SEPTIN9: variants seen among roughly 807,000 people sequenced by gnomAD.
SEPTIN9 encodes the protein septin-9.
SEPTIN9 carries 13 observed loss-of-function variants against 56.6 expected under a neutral mutation model. That is an observed-to-expected ratio of 0.23 (90% CI 0.15 to 0.37). The LOEUF (loss-of-function observed/expected upper bound fraction) is 0.37. Ranked by LOEUF, SEPTIN9 falls within the 10% of genes least tolerant of loss-of-function variation. The pLI, the probability that SEPTIN9 is intolerant of heterozygous loss-of-function variation, is 1.00. For synonymous variants in SEPTIN9, 332 were observed against 334.1 expected (o/e 0.99, Z 0.07); for missense variants, 650 against 823.1 (o/e 0.79, Z 2.57).
intron 3 of SEPTIN9, among the ~76,000 whole-genome samples, chr17:77,479,791 C>T (rs1289063197): frequency 1.7e-5 from 2 of 119,928 alleles, no homozygotes; most frequent in East Asian, 2.7e-4. Flanking sequence ...GAGGTGGGGG[C>T]GGGTAGGGGC....
chr17:77,333,058 T>C (rs2033423354), intron 2 of SEPTIN9, among the ~76,000 whole-genome samples: 1 of 152,224 alleles, frequency 6.6e-6, no homozygotes, highest in Non-Finnish European at 1.5e-5. Context: ...AAAGTGGCCC[T>C]TCCATTTCAC....
At chr17:77,322,490 C>T (rs1350891574) in intron 2 of SEPTIN9, 7 of 152,278 alleles carry the variant, frequency 4.6e-5, no homozygotes, top group South Asian at 2.1e-4. Context: ...CGAATGAACA[C>T]GACAGTCCCG....
intron 2 of SEPTIN9, among the ~76,000 whole-genome samples, chr17:77,321,397 T>A (rs2032917294): frequency 6.7e-6 from 1 of 149,940 alleles, no homozygotes; most frequent in African/African-American, 2.4e-5. Context: ...CAGGGCCACA[T>A]CTTTTTTTTT....
intron 3 of SEPTIN9, among the ~76,000 whole-genome samples, chr17:77,443,667 C>T (rs1245901718): frequency 6.6e-6 from 1 of 151,990 alleles, no homozygotes; most frequent in Non-Finnish European, 1.5e-5. Context: ...CGTGGCGGCG[C>T]ATGCTTGTAA....
At chr17:77,384,194 C>T (rs1346066946) in intron 2 of SEPTIN9, among the ~76,000 whole-genome samples, 1 of 152,150 alleles carries the variant, frequency 6.6e-6, no homozygotes. Flanking sequence ...TGCCTGTGTT[C>T]CGTGGCAGGG....
At chr17:77,351,176 T>C (rs529454066) in intron 2 of SEPTIN9, among the ~76,000 whole-genome samples, 4 of 151,264 alleles carry the variant, frequency 2.6e-5, no homozygotes, top group Non-Finnish European at 4.4e-5. Context: ...TCTCCACCCT[T>C]CCCAAGGCTG....
At chr17:77,337,542 C>T (rs1344620699) in intron 2 of SEPTIN9, among the ~76,000 whole-genome samples, 1 of 152,030 alleles carries the variant, frequency 6.6e-6, no homozygotes, top group East Asian at 1.9e-4. Context: ...GTTCCCTTCT[C>T]TTTGTTTTCT....
rs747841892 is a variant in SEPTIN9 at position 77,482,478 on chromosome 17, A to G, written c.913+143A>G. 4.3e-5 allele frequency: 37 copies of G among 860,424 alleles called. No homozygotes were observed. The South Asian group carries it at 5.1e-4, about 12-fold the overall frequency. 53.3% of individuals were successfully genotyped at this position (860,424 alleles called of 1,614,324 possible). A position where few individuals can be genotyped will look rare whatever the true frequency, so the allele number is the denominator to read the frequency against. On this transcript the variant is annotated intron_variant, in intron 4 of 11. Coordinates refer to ENST00000427177, the MANE Select transcript of SEPTIN9 (RefSeq NM_001113491.2). ...ACCTCAAGGACGGATTGCCAGTGACATTGCGTGTGCATGCATGCGCCTGGG... is the reference window on the plus strand; with the variant it reads ...ACCTCAAGGACGGATTGCCAGTGACGTTGCGTGTGCATGCATGCGCCTGGG...
chr17:77,341,601 C>G (rs2033726199), intron 2 of SEPTIN9, among the ~76,000 whole-genome samples: 1 of 151,716 alleles, frequency 6.6e-6, no homozygotes, highest in South Asian at 2.1e-4. Flanking sequence ...ATGGTGAAAC[C>G]TCGTCTCTAC....
rs57784477 is a variant in SEPTIN9 at position 77,380,687 on chromosome 17, C to T, written c.77-21372C>T. Among the ~76,000 whole-genome samples the T allele has an allele frequency of 0.012, 1,894 of 152,312 alleles. 106 individuals carry two copies. In the East Asian group the frequency reaches 0.17, roughly 14 times the overall value. On this transcript the variant is annotated intron_variant, in intron 2 of 11. Transcript: ENST00000427177. ...CTTCCCATCCACCCGCTTCCCCTCC[C>T]CTGCCCCAAGCTCTGGTCACAGCCT...
chr17:77,402,431 C>T lies in SEPTIN9; in HGVS notation c.449C>T (p.Thr150Met), dbSNP rs372535058. 47 of 1,610,572 alleles carry T rather than the reference C, an allele frequency of 2.9e-5. No individual in the cohort carries two copies. Among genetic ancestry groups the T allele is most frequent in the East Asian group, 6.7e-5 (3 of 44,800 alleles). ...HKTPEPAPRRTEITIVKPQES... is the reference protein window; with the variant it reads ...HKTPEPAPRRMEITIVKPQES... ...ACGCCAGAACCGGCCCCTCGGAGGACGGAGATCACCATCGTCAAACCCCAG... is the reference window on the plus strand; with the variant it reads ...ACGCCAGAACCGGCCCCTCGGAGGATGGAGATCACCATCGTCAAACCCCAG... Residue 150 changes from threonine (T) to methionine (M), a missense_variant, in exon 3 of 12, where the codon ACG (threonine) becomes ATG (methionine). This residue lies in a region of SEPTIN9 where 317 missense variants were observed against 329.1 expected (regional missense o/e 0.96). Transcript: ENST00000427177. The surrounding 1 kb of genome is among the most constrained non-coding windows in gnomAD (Gnocchi z 6.6).
chr17:77,481,898 G>A, intron 3 of SEPTIN9: 1 of 571,770 alleles, frequency 1.7e-6, no homozygotes, highest in Non-Finnish European at 3.1e-6. Context: ...GCCTGGCCTT[G>A]GGAGTCTGGG....
At chr17:77,361,497 T>C (rs2143852903) in intron 2 of SEPTIN9, among the ~76,000 whole-genome samples, 1 of 152,206 alleles carries the variant, frequency 6.6e-6, no homozygotes, top group Admixed American at 6.5e-5. Context: ...GGGTGGGCAT[T>C]AGGAAAGTGA....
Position 77,356,905 on chromosome 17 carries a change from C to A in SEPTIN9, c.77-45154C>A, listed in dbSNP as rs570471481. On this transcript the variant is annotated intron_variant, in intron 2 of 11. Coordinates refer to ENST00000427177, the MANE Select transcript of SEPTIN9 (RefSeq NM_001113491.2). ...GGACTGTTGGTGGGAGAGGGGAAGG[C>A]GCCGTGGTAGGGGAAGCTTTGGAAA... Among the ~76,000 whole-genome samples the A allele has an allele frequency of 1.5e-4, 22 of 149,812 alleles. No homozygotes were observed. The East Asian group carries it at 4.5e-3, about 31-fold the overall frequency.
At chr17:77,473,423 G>A (rs950855302) in intron 3 of SEPTIN9, among the ~76,000 whole-genome samples, 13 of 151,932 alleles carry the variant, frequency 8.6e-5, no homozygotes, top group African/African-American at 3.1e-4. Flanking sequence ...TATAGGGATG[G>A]GGTCTCGCTA....
rs1372974636 is a variant in SEPTIN9 at position 77,386,017 on chromosome 17, C to T, written c.77-16042C>T. Among the ~76,000 whole-genome samples the T allele has an allele frequency of 2.0e-5, 3 of 152,172 alleles. No homozygotes were observed. In the East Asian group the frequency reaches 5.8e-4, roughly 29 times the overall value. On this transcript the variant is annotated intron_variant, in intron 2 of 11. Coordinates refer to ENST00000427177, the MANE Select transcript of SEPTIN9 (RefSeq NM_001113491.2). Reference sequence around the variant, plus strand: ...TTTCGGTCCAGCCCTTCCTGTTCCTCATCAGGAAACTGAGACCAGAGAGGT... The same window carrying T: ...TTTCGGTCCAGCCCTTCCTGTTCCTTATCAGGAAACTGAGACCAGAGAGGT...
At chr17:77,466,332 C>T in intron 3 of SEPTIN9, 2 of 958,326 alleles carry the variant, frequency 2.1e-6, no homozygotes, top group Non-Finnish European at 2.5e-6. Context: ...CAGGCCCGGG[C>T]CAGGCCCCTT....
intron 1 of SEPTIN9, among the ~76,000 whole-genome samples, chr17:77,301,327 G>A (rs1352424180): frequency 6.6e-6 from 1 of 152,044 alleles, no homozygotes; most frequent in African/African-American, 2.4e-5. Context: ...AAACTGCTGA[G>A]GTTACAGGTG....
Position 77,498,672 on chromosome 17 carries a change from C to CCCCCCCCGGGG in SEPTIN9, c.*14_*15insCCCCCCCGGGG. ...CCGGAGATGTAGACGCCACCCTGCCCACCCCCGGGATCCTGCCCCCAAGTC... is the reference window on the plus strand; with the variant it reads ...CCGGAGATGTAGACGCCACCCTGCCCCCCCCCCGGGGACCCCCGGGATCCTGCCCCCAAGTC... On this transcript the variant is annotated 3_prime_UTR_variant, in exon 12 of 12. Transcript: ENST00000427177. 6.4e-7 allele frequency: 1 copy of CCCCCCCCGGGG among 1,550,432 alleles called. No individual in the cohort carries two copies. Among genetic ancestry groups the CCCCCCCCGGGG allele is most frequent in the Non-Finnish European group, 8.7e-7 (1 of 1,148,308 alleles).
Sources: gnomAD v4.1 joint callset for allele counts (sites outside exome capture counted in the v4.1 genomes callset) on GRCh38, gnomAD v4.1.1 for gene constraint, gnomAD v4.1.1 regional missense constraint, Gnocchi (gnomAD v3.1) non-coding constraint, MANE v1.5 for transcripts, NCBI Gene and HGNC (gene_info 2026-07-23, HGNC 2026-07-21) for gene names.